The following ZFP90 variants were observed in gnomAD, a reference collection of about 807,000 sequenced individuals.
ZFP90 encodes ZFP90 zinc finger protein, also known as zinc finger protein 90 homolog.
A neutral mutation model predicts 60.8 loss-of-function variants in ZFP90; 38 were observed. The observed-to-expected ratio is 0.62, with a 90% confidence interval of 0.48 to 0.82. ZFP90 has a LOEUF of 0.82. Ranked by LOEUF, ZFP90 falls within the 40% of genes least tolerant of loss-of-function variation. The pLI, the probability that ZFP90 is intolerant of heterozygous loss-of-function variation, is 0.00. For missense variants in ZFP90, 711 were observed against 759.1 expected (o/e 0.94, Z 0.74); for synonymous variants, 287 against 264.8 (o/e 1.08, Z -0.82).
chr16:68,553,243 A>G (rs2091289121), intron 2 of ZFP90, among the ~76,000 whole-genome samples: 1 of 152,186 alleles, frequency 6.6e-6, no homozygotes, highest in Non-Finnish European at 1.5e-5. Context: ...AGAATGTAGA[A>G]TGGGGTGCTA....
chr16:68,539,911 C>G, intron 2 of ZFP90, 86 bp downstream of exon 2: 2 of 1,513,566 alleles, frequency 1.3e-6, no homozygotes, highest in Non-Finnish European at 1.8e-6. Context: ...TCATTGTTCT[C>G]TGCCTGGCGA....
rs1281204323 is a variant in ZFP90, at chr16:68,566,213, G to A, written c.*1515G>A. The A allele has an allele frequency of 2.0e-6, 2 of 985,400 alleles. No individual in the cohort carries two copies. Among genetic ancestry groups the A allele is most frequent in the South Asian group, 4.7e-5 (1 of 21,282 alleles). The allele number at this position is 985,400 out of a possible 1,614,324, so 61.0% of individuals were successfully genotyped here. A position where few individuals can be genotyped will look rare whatever the true frequency, so the allele number is the denominator to read the frequency against. ...TCAGTGGCCTGCTCCATCCCCTAATGACTCCCATGGGCTATCCTAAAGGAA... is the reference window on the plus strand; with the variant it reads ...TCAGTGGCCTGCTCCATCCCCTAATAACTCCCATGGGCTATCCTAAAGGAA... On this transcript the variant is annotated 3_prime_UTR_variant, in exon 5 of 5. Coordinates refer to ENST00000563169, the MANE Select transcript of ZFP90 (RefSeq NM_001305203.2).
intron 2 of ZFP90, among the ~76,000 whole-genome samples, chr16:68,572,348 T>TA (rs1003781680): frequency 6.6e-6 from 1 of 152,212 alleles, no homozygotes. Context: ...CTGTCTGCAT[T>TA]AAAAAACTGG....
intron 2 of ZFP90, among the ~76,000 whole-genome samples, chr16:68,573,013 G>A (rs1191444408): frequency 6.6e-6 from 1 of 152,222 alleles, no homozygotes; most frequent in Non-Finnish European, 1.5e-5. Flanking sequence ...CACAAGTCAG[G>A]ATTTCAGTGG....
chr16:68,553,103 G>C (rs984535532), intron 2 of ZFP90, among the ~76,000 whole-genome samples: 1 of 152,072 alleles, frequency 6.6e-6, no homozygotes, highest in Non-Finnish European at 1.5e-5. Context: ...TGTCAGGTCT[G>C]TTCTAGACAA....
In ZFP90 at chr16:68,563,255, G is replaced by T. The variant is rs996305818; in HGVS notation, c.468G>T (p.Glu156Asp). 1 of 1,613,378 alleles carries T rather than the reference G, an allele frequency of 6.2e-7. No individual in the cohort carries two copies. The highest frequency in any genetic ancestry group is 1.3e-5 in the African/African-American group (1 of 74,826). ...TAATTACACCACAAGAAAATTTTGA[G>T]CAAAATAAATTTGGTGAAAATTCTA... ...KKIITPQENF[E>D]QNKFGENSRL... is the part of the protein sequence containing the mutation. Residue 156 changes from glutamate (E) to aspartate (D), a missense_variant, in exon 5 of 5, where the codon GAG becomes GAT. Glu to Asp is a conservative substitution (Grantham distance 45). Coordinates refer to ENST00000563169, the MANE Select transcript of ZFP90 (RefSeq NM_001305203.2).
At chr16:68,551,397 G>GA (rs1372963584) in intron 2 of ZFP90, among the ~76,000 whole-genome samples, 1 of 148,422 alleles carries the variant, frequency 6.7e-6, no homozygotes, top group Non-Finnish European at 1.5e-5. Flanking sequence ...TCAGCATAAG[G>GA]AAAGGGAACA....
intron 2 of ZFP90, among the ~76,000 whole-genome samples, chr16:68,547,085 G>T (rs1418639156): frequency 6.6e-6 from 1 of 152,134 alleles, no homozygotes; most frequent in Admixed American, 6.6e-5. Context: ...TGAACGTGGG[G>T]GTACAGATAT....
intron 2 of ZFP90, among the ~76,000 whole-genome samples, chr16:68,549,071 GC>G (rs1207684021): frequency 6.6e-6 from 1 of 152,114 alleles, no homozygotes. Flanking sequence ...CTTGCTCTAT[GC>G]CAGGCAGTGG....
chr16:68,574,210 T>C (rs2091581598), intron 2 of ZFP90: 2 of 112,516 alleles, frequency 1.8e-5, no homozygotes. Context: ...TCCAGGTCAA[T>C]GTGTCTCCTT....
At chr16:68,572,483 G>T (rs983318657) in intron 2 of ZFP90, among the ~76,000 whole-genome samples, 3 of 152,096 alleles carry the variant, frequency 2.0e-5, no homozygotes, top group Non-Finnish European at 2.9e-5. Flanking sequence ...TTTCTAAAGG[G>T]TGTCACAGAG....
At chr16:68,544,610 C>G (rs899987410) in intron 2 of ZFP90, among the ~76,000 whole-genome samples, 1 of 152,006 alleles carries the variant, frequency 6.6e-6, no homozygotes, top group African/African-American at 2.4e-5. Context: ...GTGAACAGAC[C>G]CAGCAAAACC....
In ZFP90 at chr16:68,540,777, G is replaced by A. The variant is rs956793429; in HGVS notation, c.33+952G>A. Among the ~76,000 whole-genome samples the A allele has an allele frequency of 5.7e-5, 8 of 140,558 alleles. No homozygotes were observed. The Admixed American group carries it at 6.0e-4, about 10-fold the overall frequency. 92.2% of individuals were successfully genotyped at this position (140,558 alleles called of 152,430 possible). On this transcript the variant is annotated intron_variant, in intron 2 of 4. Transcript: ENST00000563169. Reference sequence around the variant, plus strand: ...GTTTAAGCCCAGGAATTTGAGACCAGCCTGGGCAACATAGTGAGACTCCGT... The same window carrying A: ...GTTTAAGCCCAGGAATTTGAGACCAACCTGGGCAACATAGTGAGACTCCGT...
upstream of ZFP90, among the ~76,000 whole-genome samples, chr16:68,538,339 A>G (rs1490728928): frequency 6.6e-6 from 1 of 152,264 alleles, no homozygotes; most frequent in African/African-American, 2.4e-5. Flanking sequence ...GCTGAAATCT[A>G]GGAAATGTAG....
chr16:68,539,332 C>A lies in ZFP90; in HGVS notation c.-183C>A, dbSNP rs1207852224. 5.7e-6 allele frequency: 1 copy of A among 175,516 alleles called. No individual in the cohort carries two copies. The highest frequency in any genetic ancestry group is 2.2e-3 in the Middle Eastern group (1 of 446). The allele number at this position is 175,516 out of a possible 1,614,324, so 10.9% of individuals were successfully genotyped here. A position where few individuals can be genotyped will look rare whatever the true frequency, so the allele number is the denominator to read the frequency against. ...CACCGCTGCGGCCATTGTCCGACCC[C>A]GGTGCGGCTGAGGCCCCTTTGGGCA... is the stretch of plus-strand genomic sequence containing the variant. On this transcript the variant is annotated 5_prime_UTR_variant, in exon 1 of 5. Coordinates refer to ENST00000563169, the MANE Select transcript of ZFP90 (RefSeq NM_001305203.2).
chr16:68,552,381 C>T (rs539386178), intron 2 of ZFP90, among the ~76,000 whole-genome samples: 1 of 152,100 alleles, frequency 6.6e-6, no homozygotes, highest in Non-Finnish European at 1.5e-5. Context: ...TAACAGACAC[C>T]TGAATGTAGT....
chr16:68,549,793 G>T (rs1283347744), intron 2 of ZFP90, among the ~76,000 whole-genome samples: 1 of 152,104 alleles, frequency 6.6e-6, no homozygotes, highest in Non-Finnish European at 1.5e-5. Context: ...GGAGGATGTG[G>T]GGAAGCTTCA....
At chr16:68,568,485 G>T (rs192901260), downstream of ZFP90, among the ~76,000 whole-genome samples, 41 of 152,256 alleles carry the variant, frequency 2.7e-4, no homozygotes, top group Non-Finnish European at 4.9e-4. Flanking sequence ...GAGTAATTTG[G>T]CAATATCCAG....
Position 68,563,268 on chromosome 16 carries a change from G to A in ZFP90, c.481G>A (p.Gly161Ser). The change falls in exon 5 of 5, where the codon GGT becomes AGT. Residue 161 changes from glycine (G) to serine (S), a missense_variant. Physicochemically the swap from Gly to Ser is moderately conservative, Grantham distance 56. This residue lies in a region of ZFP90 where 241 missense variants were observed against 247.6 expected (regional missense o/e 0.97). Coordinates refer to ENST00000563169, the MANE Select transcript of ZFP90 (RefSeq NM_001305203.2). ...AGAAAATTTTGAGCAAAATAAATTT[G>A]GTGAAAATTCTAGATTGAACACCAA... ...PQENFEQNKFGENSRLNTNLV... is the reference protein window; with the variant it reads ...PQENFEQNKFSENSRLNTNLV... The A allele has an allele frequency of 6.2e-7, 1 of 1,613,744 alleles. No individual in the cohort carries two copies. Among genetic ancestry groups the A allele is most frequent in the Non-Finnish European group, 8.5e-7 (1 of 1,179,882 alleles).
Sources: gnomAD v4.1 joint callset for allele counts (sites outside exome capture counted in the v4.1 genomes callset) on GRCh38, gnomAD v4.1.1 for gene constraint, gnomAD v4.1.1 regional missense constraint, MANE v1.5 for transcripts, NCBI Gene and HGNC (gene_info 2026-07-23, HGNC 2026-07-21) for gene names.